The following NUMB variants were observed in gnomAD, a reference collection of about 807,000 sequenced individuals.
NUMB encodes the protein protein numb homolog.
NUMB carries 29 observed loss-of-function variants against 59.7 expected under a neutral mutation model. The ratio of observed to expected loss-of-function variants is 0.49; its 90% confidence interval spans 0.36 to 0.66. The LOEUF is 0.66. Ranked by LOEUF, NUMB falls within the 30% of genes least tolerant of loss-of-function variation. NUMB has a pLI of 0.00. For synonymous variants in NUMB, 288 were observed against 288.2 expected (o/e 1.00, Z 0.01); for missense variants, 723 against 822.0 (o/e 0.88, Z 1.47).
At chr14:73,366,532 A>G (rs984152412) in intron 3 of NUMB, among the ~76,000 whole-genome samples, 26 of 152,192 alleles carry the variant, frequency 1.7e-4, no homozygotes, top group African/African-American at 6.0e-4. Flanking sequence ...CAATCTTTAC[A>G]ATAACCCTGT....
chr14:73,414,700 C>T (rs1038320050), intron 1 of NUMB, among the ~76,000 whole-genome samples: 9 of 151,904 alleles, frequency 5.9e-5, no homozygotes. Flanking sequence ...AGATAATGAC[C>T]GGTTTTTCTG....
intron 2 of NUMB, among the ~76,000 whole-genome samples, chr14:73,408,617 C>G (rs1896780887): frequency 6.6e-6 from 1 of 152,084 alleles, no homozygotes; most frequent in Non-Finnish European, 1.5e-5. Context: ...GTGGCTCACA[C>G]CTGTAATCAC....
At position 73,349,651 on chromosome 14, in the gene NUMB, G is replaced by A. The variant is rs192150831; in HGVS notation, c.126+5975C>T. Among the ~76,000 whole-genome samples, 809 of 151,688 alleles carry A rather than the reference G, an allele frequency of 5.3e-3. 8 individuals are homozygous for A. The highest frequency in any genetic ancestry group is 8.3e-3 in the Non-Finnish European group (565 of 67,942). ...TCCCAGCACTTTGGGAGGCCGAGAC[G>A]GGTGGATCACGAGGCCAGGAGATCA... On this transcript the variant is annotated intron_variant, in intron 4 of 12. Transcript: ENST00000555238.
intron 4 of NUMB, among the ~76,000 whole-genome samples, chr14:73,354,770 G>A (rs192857010): frequency 1.5e-5 from 2 of 132,398 alleles, no homozygotes; most frequent in Admixed American, 8.7e-5. Context: ...GGAGATTGCA[G>A]TGAGTTGAGA....
At chr14:73,313,668 G>GA (rs10582204) in intron 6 of NUMB, among the ~76,000 whole-genome samples, 8,757 of 124,046 alleles carry the variant, frequency 0.071, 771 homozygotes, top group African/African-American at 0.18. Flanking sequence ...TCCAAAATCT[G>GA]AAAAAAAAAA....
At position 73,275,599 on chromosome 14, in the gene NUMB, T is replaced by C. The variant is rs1888100042; in HGVS notation, c.*979A>G. 6.6e-6 allele frequency: 1 copy of C among 152,192 alleles called. No homozygotes were observed. The highest frequency in any genetic ancestry group is 6.5e-5 in the Admixed American group (1 of 15,280). 9.4% of individuals were successfully genotyped at this position (152,192 alleles called of 1,614,324 possible). On this transcript the variant is annotated 3_prime_UTR_variant, in exon 13 of 13. Transcript: ENST00000555238. ...GATTAACATAAGGAAACTGCAGCAA[T>C]ATATAAAAGATATATTCTCTATAGA...
intron 2 of NUMB, among the ~76,000 whole-genome samples, chr14:73,380,594 G>A (rs1263677531): frequency 1.3e-5 from 2 of 151,652 alleles, no homozygotes; most frequent in South Asian, 2.1e-4. Context: ...TATACTATTT[G>A]TTATATTGTA....
intron 2 of NUMB, among the ~76,000 whole-genome samples, chr14:73,404,471 G>T (rs926038091): frequency 6.6e-6 from 1 of 151,946 alleles, no homozygotes; most frequent in Non-Finnish European, 1.5e-5. Flanking sequence ...GGTAAATTAT[G>T]TTGTCTACAA....
chr14:73,397,111 G>T (rs1482232124), intron 2 of NUMB, among the ~76,000 whole-genome samples: 1 of 152,038 alleles, frequency 6.6e-6, no homozygotes, highest in Non-Finnish European at 1.5e-5. Flanking sequence ...GCAACAGAGT[G>T]AGTGATATGC....
At chr14:73,280,138 C>A (rs1594854817) in intron 11 of NUMB, among the ~76,000 whole-genome samples, 1 of 151,626 alleles carries the variant, frequency 6.6e-6, no homozygotes, top group African/African-American at 2.4e-5. Flanking sequence ...GCCTGGGCAA[C>A]AGAGTAAGAC....
At chr14:73,363,847 G>C (rs1366299008) in intron 3 of NUMB, among the ~76,000 whole-genome samples, 2 of 152,154 alleles carry the variant, frequency 1.3e-5, no homozygotes, top group African/African-American at 4.8e-5. Flanking sequence ...TACTCAGAAG[G>C]CTGACGTGCG....
At chr14:73,445,666 G>T (rs1296517224) in intron 1 of NUMB, among the ~76,000 whole-genome samples, 1 of 152,050 alleles carries the variant, frequency 6.6e-6, no homozygotes, top group Non-Finnish European at 1.5e-5. Context: ...CATTTACTAT[G>T]AACTAAACAG....
chr14:73,356,022 G>GAAC (rs56917431), intron 3 of NUMB, among the ~76,000 whole-genome samples: 45,140 of 151,820 alleles, frequency 0.3, 7,773 homozygotes, highest in African/African-American at 0.47. Context: ...GTCCTTGTAA[G>GAAC]AACAATAACT....
intron 4 of NUMB, among the ~76,000 whole-genome samples, chr14:73,343,002 GT>G (rs550788713): frequency 1.2e-4 from 18 of 146,594 alleles, no homozygotes; most frequent in Admixed American, 2.0e-4. Flanking sequence ...AATTTTTTCT[GT>G]TTTTTTTTTT....
At chr14:73,442,083 C>T (rs1188580407) in intron 1 of NUMB, among the ~76,000 whole-genome samples, 2 of 151,648 alleles carry the variant, frequency 1.3e-5, no homozygotes, top group African/African-American at 4.8e-5. Flanking sequence ...GGCACAGTAG[C>T]TCACACTTGT....
intron 1 of NUMB, among the ~76,000 whole-genome samples, chr14:73,428,042 A>G (rs1247626752): frequency 1.3e-5 from 2 of 152,172 alleles, no homozygotes; most frequent in Non-Finnish European, 2.9e-5. Context: ...AATCTCTCAT[A>G]TTTAGCCTTC....
chr14:73,440,853 A>T (rs1230283193), intron 1 of NUMB, among the ~76,000 whole-genome samples: 2 of 131,928 alleles, frequency 1.5e-5, no homozygotes, highest in East Asian at 4.3e-4. Context: ...AAAAAAAAGG[A>T]CTTGAGCCAG....
chr14:73,296,647 A>C (rs1408340971), intron 7 of NUMB, among the ~76,000 whole-genome samples: 1 of 152,180 alleles, frequency 6.6e-6, no homozygotes, highest in Non-Finnish European at 1.5e-5. Context: ...TCAACAATAT[A>C]ATACCCTTCA....
intron 2 of NUMB, among the ~76,000 whole-genome samples, chr14:73,407,718 C>T (rs928050195): frequency 7.9e-5 from 12 of 152,182 alleles, no homozygotes; most frequent in Admixed American, 7.2e-4. Context: ...GCAAGAAAAT[C>T]TTCTGGGTCT....
Sources: allele counts gnomAD v4.1 joint callset (sites outside exome capture counted in the v4.1 genomes callset), GRCh38; gene constraint gnomAD v4.1.1; transcripts MANE v1.5; gene names NCBI Gene and HGNC (gene_info 2026-07-23, HGNC 2026-07-21).